The following DLGAP2 variants were observed in gnomAD, a reference collection of about 807,000 sequenced individuals.
DLGAP2 encodes DLG associated protein 2, also known as disks large-associated protein 2.
A neutral mutation model predicts 100.3 loss-of-function variants in DLGAP2; 26 were observed. The observed-to-expected ratio is 0.26, with a 90% CI of 0.19 to 0.36. The LOEUF is 0.36. Among genes scored for constraint, DLGAP2 ranks in the 10% least tolerant of loss-of-function variants. DLGAP2 has a pLI of 1.00. For missense variants in DLGAP2, 1,858 were observed against 1,453.2 expected, an observed-to-expected ratio of 1.28 and a Z score of -4.53; for synonymous variants, 886 against 630.1, an observed-to-expected ratio of 1.41 and a Z score of -6.08.
chr8:744,198 T>G (rs1820558133), intron 1 of DLGAP2, among the ~76,000 whole-genome samples: 1 of 152,178 alleles, frequency 6.6e-6, no homozygotes, highest in South Asian at 2.1e-4. Context: ...CTCAGCAAGC[T>G]TAGAGGCAGC....
At chr8:945,942 G>C (rs75338861) in intron 2 of DLGAP2, among the ~76,000 whole-genome samples, 4,417 of 152,156 alleles carry the variant, frequency 0.029, 225 homozygotes, top group African/African-American at 0.1. Context: ...AAAGTAACGA[G>C]ACTGATCTTC....
At chr8:1,469,032 T>A (rs1236669206) in intron 3 of DLGAP2, among the ~76,000 whole-genome samples, 1 of 152,162 alleles carries the variant, frequency 6.6e-6, no homozygotes, top group Non-Finnish European at 1.5e-5. Flanking sequence ...GGCTCCGGGA[T>A]GAGGCTGTCA....
intron 8 of DLGAP2, among the ~76,000 whole-genome samples, chr8:1,636,739 C>T (rs1434492182): frequency 1.3e-5 from 2 of 152,182 alleles, no homozygotes; most frequent in Admixed American, 1.3e-4. Flanking sequence ...GATACCAGGA[C>T]CTGGTACCGT....
intron 4 of DLGAP2, among the ~76,000 whole-genome samples, chr8:1,525,800 A>G (rs984489854): frequency 4.6e-5 from 7 of 152,064 alleles, no homozygotes; most frequent in African/African-American, 1.7e-4. Flanking sequence ...CTTGTGTGAC[A>G]TTGGGTAGTG....
At chr8:1,580,750 CA>C (rs1803204448) in intron 6 of DLGAP2, among the ~76,000 whole-genome samples, 1 of 151,188 alleles carries the variant, frequency 6.6e-6, no homozygotes, top group Non-Finnish European at 1.5e-5. Flanking sequence ...ATACCACAGT[CA>C]AACTACCAGA....
intron 3 of DLGAP2, among the ~76,000 whole-genome samples, chr8:1,459,782 T>A (rs1034595118): frequency 6.7e-6 from 1 of 148,566 alleles, no homozygotes; most frequent in East Asian, 2.1e-4. Flanking sequence ...GCCTCCCAGG[T>A]TCAAGCAATT....
chr8:1,168,062 T>G (rs1381394014), intron 2 of DLGAP2, among the ~76,000 whole-genome samples: 1 of 117,086 alleles, frequency 8.5e-6, no homozygotes, highest in Non-Finnish European at 1.6e-5. Context: ...CCCCAGAGTG[T>G]GATGTTCCCC....
At chr8:1,315,851 G>A (rs376222140) in intron 3 of DLGAP2, among the ~76,000 whole-genome samples, 1 of 124,500 alleles carries the variant, frequency 8.0e-6, no homozygotes, top group Non-Finnish European at 1.7e-5. Flanking sequence ...AATAGAGCCT[G>A]TGCGAGTGCA....
At chr8:1,127,101 A>G (rs918669907) in intron 2 of DLGAP2, among the ~76,000 whole-genome samples, 7 of 146,914 alleles carry the variant, frequency 4.8e-5, no homozygotes, top group Admixed American at 2.7e-4. Context: ...GTCCCAGCAC[A>G]GCTCTTAAAC....
At chr8:1,103,469 T>G (rs12545076) in intron 2 of DLGAP2, among the ~76,000 whole-genome samples, 27,744 of 79,964 alleles carry the variant, frequency 0.35, 3,971 homozygotes, top group African/African-American at 0.59. Context: ...TTGGTTAACG[T>G]TGATGACTGG....
intron 4 of DLGAP2, among the ~76,000 whole-genome samples, chr8:1,542,222 C>T (rs557529713): frequency 1.2e-4 from 18 of 152,322 alleles, no homozygotes; most frequent in African/African-American, 4.1e-4. Context: ...TCATCACATG[C>T]GTGTATTTAT....
intron 2 of DLGAP2, among the ~76,000 whole-genome samples, chr8:1,108,179 G>T (rs929950634): frequency 6.6e-6 from 1 of 152,186 alleles, no homozygotes; most frequent in South Asian, 2.1e-4. Context: ...AGGTTGATGG[G>T]AAATGAATTG....
At chr8:928,966 C>CT (rs150584063) in intron 2 of DLGAP2, among the ~76,000 whole-genome samples, 8 of 108,354 alleles carry the variant, frequency 7.4e-5, no homozygotes, top group Non-Finnish European at 1.4e-4. Flanking sequence ...AAGATGAAGA[C>CT]CCCCCCCGCC....
intron 2 of DLGAP2, among the ~76,000 whole-genome samples, chr8:948,052 C>G (rs565741611): frequency 3.7e-5 from 5 of 133,544 alleles, no homozygotes; most frequent in Admixed American, 3.7e-4. Flanking sequence ...CATGACCCCA[C>G]CGCGTGTGCG....
intron 2 of DLGAP2, among the ~76,000 whole-genome samples, chr8:1,065,297 C>A (rs773398612): frequency 6.6e-6 from 1 of 152,182 alleles, no homozygotes; most frequent in Non-Finnish European, 1.5e-5. Flanking sequence ...TTCAAGATAA[C>A]AACTGGCAGT....
chr8:1,468,787 G>A (rs567298376), intron 3 of DLGAP2, among the ~76,000 whole-genome samples: 282 of 152,284 alleles, frequency 1.9e-3, no homozygotes, highest in Non-Finnish European at 3.2e-3. Flanking sequence ...CCCACTGCAG[G>A]CTCTGAAAAC....
chr8:747,529 C>A (rs1820655334), intron 1 of DLGAP2, among the ~76,000 whole-genome samples: 1 of 138,608 alleles, frequency 7.2e-6, no homozygotes, highest in South Asian at 2.5e-4. Context: ...TGGAGGGTGA[C>A]CTTTGAAGTA....
intron 3 of DLGAP2, among the ~76,000 whole-genome samples, chr8:1,315,966 T>C (rs1800732221): frequency 7.4e-6 from 1 of 134,808 alleles, no homozygotes. Context: ...CTCGAGAAAC[T>C]TCGCAGCTTT....
intron 3 of DLGAP2, among the ~76,000 whole-genome samples, chr8:1,430,027 T>TATATATATATATATAC (rs1282725274): frequency 8.1e-4 from 62 of 76,842 alleles, no homozygotes; most frequent in Non-Finnish European, 1.1e-3. Context: ...TATATATATA[T>TATATATATATATATAC]ACACACACAC....
Sources: gnomAD v4.1 joint callset for allele counts (sites outside exome capture counted in the v4.1 genomes callset) on GRCh38, gnomAD v4.1.1 for gene constraint, MANE v1.5 for transcripts, NCBI Gene and HGNC (gene_info 2026-07-23, HGNC 2026-07-21) for gene names.